EML6: variants seen among roughly 807,000 people sequenced by gnomAD.
EML6 encodes the protein echinoderm microtubule-associated protein-like 6.
In EML6, 154 loss-of-function variants were observed where a neutral mutation model predicts 240.1. That is an observed-to-expected ratio of 0.64 (90% CI 0.56 to 0.73). EML6 has a LOEUF of 0.73. Ranked by LOEUF, EML6 falls within the 30% of genes least tolerant of loss-of-function variation. The pLI, the probability that EML6 is intolerant of heterozygous loss-of-function variation, is 0.00. For missense variants in EML6, 2,964 were observed against 2,474.6 expected (o/e 1.20, Z -4.20); for synonymous variants, 1,148 against 899.0 (o/e 1.28, Z -4.95).
chr2:54,879,258 G>A (rs1021552413), intron 16 of EML6, among the ~76,000 whole-genome samples: 4 of 152,184 alleles, frequency 2.6e-5, no homozygotes, highest in Admixed American at 6.5e-5. Context: ...TCGGCAGCCC[G>A]TTATGCATTA....
At chr2:54,919,310 A>G (rs1452278072) in intron 26 of EML6, among the ~76,000 whole-genome samples, 1 of 148,184 alleles carries the variant, frequency 6.7e-6, no homozygotes, top group Non-Finnish European at 1.5e-5. Flanking sequence ...CTACACTTAA[A>G]AGTTGGTGCA....
chr2:54,821,980 G>T (rs552169511), intron 5 of EML6, among the ~76,000 whole-genome samples: 29 of 152,186 alleles, frequency 1.9e-4, no homozygotes, highest in African/African-American at 7.0e-4. Flanking sequence ...AAAATATTCT[G>T]TATAATTCCT....
intron 17 of EML6, chr2:54,882,423 G>C (rs1671865975): frequency 6.6e-6 from 1 of 151,960 alleles, no homozygotes; most frequent in African/African-American, 2.4e-5. Context: ...GATTAATCAG[G>C]TACATCTGTG....
rs531870897 is a variant in EML6, at chr2:54,788,702, T to C, written c.198-24530T>C. On this transcript the variant is annotated intron_variant, in intron 2 of 41. Transcript: ENST00000356458. The stretch of plus-strand genomic sequence containing the variant: ...GGCTTATCAGTCATTTTATTGGAAA[T>C]TCCTGTTGTTTTGGTGTGAAACGGT... Among the ~76,000 whole-genome samples, 53 of 152,384 alleles carry C rather than the reference T, an allele frequency of 3.5e-4. 1 individual carries two copies. The highest frequency in any genetic ancestry group is 1.1e-3 in the African/African-American group (45 of 41,592).
intron 2 of EML6, among the ~76,000 whole-genome samples, chr2:54,735,461 C>T (rs1307548880): frequency 6.6e-6 from 1 of 152,228 alleles, no homozygotes; most frequent in African/African-American, 2.4e-5. Context: ...ATATTATTCT[C>T]AGCTGGCATT....
Position 54,827,724 on chromosome 2 carries a change from A to G in EML6, c.684A>G (p.Leu228=), listed in dbSNP as rs574810297. The part of the protein sequence containing the change: ...GDIYVWKGLN[L]VRTIQGAHSA... ...TCTATGTCTGGAAAGGGCTCAATTTAGTCCGCACCATTCAAGGAGCACATA... is the reference window on the plus strand; with the variant it reads ...TCTATGTCTGGAAAGGGCTCAATTTGGTCCGCACCATTCAAGGAGCACATA... Residue 228 remains leucine (L), a synonymous_variant, in exon 6 of 42, where the codon TTA becomes TTG. Coordinates refer to ENST00000356458, the MANE Select transcript of EML6 (RefSeq NM_001039753.4). 6.4e-7 allele frequency: 1 copy of G among 1,551,672 alleles called. No homozygotes were observed. Among genetic ancestry groups the G allele is most frequent in the South Asian group, 1.2e-5 (1 of 84,052 alleles).
At chr2:54,964,388 G>A (rs1463725142) in intron 37 of EML6, among the ~76,000 whole-genome samples, 183 bp from the exon 38 acceptor site, 1 of 152,156 alleles carries the variant, frequency 6.6e-6, no homozygotes, top group Non-Finnish European at 1.5e-5. Flanking sequence ...CATATTTCCC[G>A]GGGATTCGAT....
rs1042586701 is a variant in EML6, at chr2:54,968,708, C to T, written c.5792C>T (p.Thr1931Met). ...KRYFGHSAHV[T>M]NIRFSYDDKY... is the part of the protein sequence containing the mutation. ...TACTTCGGTCACTCGGCTCACGTGA[C>T]GAACATCCGTTTCTCTTATGATGAC... Residue 1931 changes from threonine (T) to methionine (M), a missense_variant, in exon 41 of 42, where the codon ACG becomes ATG. Coordinates refer to ENST00000356458, the MANE Select transcript of EML6 (RefSeq NM_001039753.4). The T allele has an allele frequency of 7.1e-6, 11 of 1,551,230 alleles. No homozygotes were observed. The highest frequency in any genetic ancestry group is 1.4e-5 in the African/African-American group (1 of 73,016).
chr2:54,817,834 G>A (rs150703962), intron 4 of EML6, among the ~76,000 whole-genome samples: 2 of 151,476 alleles, frequency 1.3e-5, no homozygotes, highest in East Asian at 3.9e-4. Flanking sequence ...ATGGCACATT[G>A]ATCTATGGAG....
chr2:54,798,626 C>G (rs1336325600), intron 2 of EML6, among the ~76,000 whole-genome samples: 4 of 152,108 alleles, frequency 2.6e-5, no homozygotes, highest in Middle Eastern at 3.4e-3. Flanking sequence ...CGTATATGAT[C>G]TTGTGTCTTG....
intron 2 of EML6, among the ~76,000 whole-genome samples, chr2:54,799,360 C>G (rs1038433211): frequency 6.6e-6 from 1 of 151,250 alleles, no homozygotes; most frequent in Non-Finnish European, 1.5e-5. Flanking sequence ...CACGCCCAGC[C>G]TTTATTACTA....
At chr2:54,832,731 C>T (rs972460395) in intron 7 of EML6, among the ~76,000 whole-genome samples, 1 of 102,622 alleles carries the variant, frequency 9.7e-6, no homozygotes, top group Non-Finnish European at 1.8e-5. Context: ...GTCAGGTGTC[C>T]TGTCCTCCCC....
At position 54,820,526 on chromosome 2, in the gene EML6, A is replaced by G. The variant is rs1668283926; in HGVS notation, c.525+64A>G. ...CAAATAATTTTAGGTGTTTGTATAG[A>G]TAATTTGATGTTGAGAGACTGCTAG... On this transcript the variant is annotated intron_variant, in intron 5 of 41. Coordinates refer to ENST00000356458, the MANE Select transcript of EML6 (RefSeq NM_001039753.4). The G allele has an allele frequency of 5.1e-6, 5 of 983,772 alleles. No homozygotes were observed. The Admixed American group carries it at 7.2e-5, about 14-fold the overall frequency. The allele number at this position is 983,772 out of a possible 1,614,324, so 60.9% of individuals were successfully genotyped here. A position where few individuals can be genotyped will look rare whatever the true frequency, so the allele number is the denominator to read the frequency against.
intron 2 of EML6, among the ~76,000 whole-genome samples, chr2:54,792,408 T>A (rs564168374): frequency 6.6e-6 from 1 of 152,350 alleles, no homozygotes; most frequent in East Asian, 1.9e-4. Context: ...ACTTTTGATT[T>A]GGGGCTTTGA....
chr2:54,898,504 C>A (rs1047586915), intron 21 of EML6, among the ~76,000 whole-genome samples: 2 of 152,160 alleles, frequency 1.3e-5, no homozygotes, highest in African/African-American at 4.8e-5. Context: ...GTAGGGTGTC[C>A]TCAAATCCAA....
At chr2:54,777,971 T>C (rs1668672401) in intron 2 of EML6, among the ~76,000 whole-genome samples, 1 of 152,170 alleles carries the variant, frequency 6.6e-6, no homozygotes, top group African/African-American at 2.4e-5. Flanking sequence ...TCTAAGCTTG[T>C]AGAGAAACAA....
intron 2 of EML6, among the ~76,000 whole-genome samples, chr2:54,735,586 C>T (rs6753004): frequency 6.6e-6 from 1 of 152,194 alleles, no homozygotes; most frequent in South Asian, 2.1e-4. Context: ...TTATACTTCT[C>T]TACTGGCCTA....
chr2:54,878,985 G>C (rs904866277), intron 16 of EML6, among the ~76,000 whole-genome samples: 1 of 152,078 alleles, frequency 6.6e-6, no homozygotes, highest in African/African-American at 2.4e-5. Flanking sequence ...ATTTGAAATA[G>C]GGAACATAAA....
intron 2 of EML6, among the ~76,000 whole-genome samples, chr2:54,731,470 T>G (rs72913532): frequency 9.2e-5 from 14 of 152,028 alleles, no homozygotes; most frequent in African/African-American, 3.1e-4. Flanking sequence ...GGAGACCCCA[T>G]TGCTACAAAA....
Sources: gnomAD v4.1 joint callset for allele counts (sites outside exome capture counted in the v4.1 genomes callset) on GRCh38, gnomAD v4.1.1 for gene constraint, MANE v1.5 for transcripts, NCBI Gene and HGNC (gene_info 2026-07-23, HGNC 2026-07-21) for gene names.